The following STK39 variants were observed in gnomAD, a reference collection of about 807,000 sequenced individuals.
The protein encoded by STK39 is serine/threonine kinase 39.
Under a neutral mutation model 77.8 loss-of-function variants are expected in STK39, and 20 were observed. The ratio of observed to expected loss-of-function variants is 0.26; its 90% CI spans 0.18 to 0.37. The LOEUF (loss-of-function observed/expected upper bound fraction) is 0.37. STK39 is among the 10% of genes least tolerant of loss of function. The pLI is 1.00. For synonymous variants in STK39, 246 were observed against 234.1 expected (o/e 1.05, Z -0.47); for missense variants, 479 against 656.5 (o/e 0.73, Z 2.95).
At chr2:168,005,619 C>T (rs1438206256) in intron 16 of STK39, among the ~76,000 whole-genome samples, 2 of 152,196 alleles carry the variant, frequency 1.3e-5, no homozygotes, top group South Asian at 2.1e-4. Flanking sequence ...AAATAGAAGA[C>T]AAGCGTTGCC....
chr2:168,000,421 G>A (rs1406068485), intron 16 of STK39, among the ~76,000 whole-genome samples: 1 of 152,216 alleles, frequency 6.6e-6, no homozygotes, highest in Non-Finnish European at 1.5e-5. Context: ...GCCTGAGGCT[G>A]AGAAGCCCAT....
chr2:168,030,489 C>T (rs941101085), intron 14 of STK39, among the ~76,000 whole-genome samples: 2 of 151,962 alleles, frequency 1.3e-5, no homozygotes, highest in Admixed American at 6.6e-5. Flanking sequence ...TATGTGTAAT[C>T]GAATCCAGGG....
chr2:167,996,819 T>C (rs541515073), intron 16 of STK39, among the ~76,000 whole-genome samples: 3 of 151,966 alleles, frequency 2.0e-5, no homozygotes, highest in Admixed American at 1.3e-4. Flanking sequence ...CTCAAAGAGG[T>C]AGATCACCGA....
At chr2:167,962,099 C>G (rs923874694) in intron 17 of STK39, among the ~76,000 whole-genome samples, 2 of 152,166 alleles carry the variant, frequency 1.3e-5, no homozygotes, top group Non-Finnish European at 2.9e-5. Flanking sequence ...TATCATGACA[C>G]TGCTGTTCTT....
At chr2:168,110,631 T>C (rs1291423694) in intron 10 of STK39, among the ~76,000 whole-genome samples, 1 of 152,196 alleles carries the variant, frequency 6.6e-6, no homozygotes, top group Non-Finnish European at 1.5e-5. Context: ...CTATAATACA[T>C]CCCTGTCATA....
At chr2:168,151,654 G>C (rs1019752023) in intron 5 of STK39, among the ~76,000 whole-genome samples, 1 of 151,312 alleles carries the variant, frequency 6.6e-6, no homozygotes, top group Non-Finnish European at 1.5e-5. Flanking sequence ...CAGGAGAATC[G>C]CTTGAACCCA....
intron 8 of STK39, among the ~76,000 whole-genome samples, chr2:168,134,205 A>G (rs1687774127): frequency 6.6e-6 from 1 of 152,212 alleles, no homozygotes; most frequent in African/African-American, 2.4e-5. Flanking sequence ...CAATGATTCA[A>G]TTTTAAATCC....
At chr2:168,216,226 ACATGGAAGGTAAGGACTGAGT>A (rs1300038682) in intron 1 of STK39, among the ~76,000 whole-genome samples, 1 of 152,170 alleles carries the variant, frequency 6.6e-6, no homozygotes, top group Non-Finnish European at 1.5e-5. Context: ...GACCAGAGGT[ACATGGAAGGTAAGGACTGAGT>A]CAAATCAGAG....
chr2:168,102,000 C>T (rs1219610861), intron 10 of STK39, among the ~76,000 whole-genome samples: 1 of 152,096 alleles, frequency 6.6e-6, no homozygotes, highest in East Asian at 1.9e-4. Context: ...TATGGATTTG[C>T]CTGTTTTGGG....
intron 12 of STK39, among the ~76,000 whole-genome samples, chr2:168,073,629 T>TTA (rs147378646): frequency 0.021 from 3,127 of 152,108 alleles, 110 homozygotes; most frequent in African/African-American, 0.072. Flanking sequence ...TGATCAAAGC[T>TTA]TATATATATA....
chr2:168,049,718 A>C (rs1685343771), intron 14 of STK39, among the ~76,000 whole-genome samples: 1 of 152,226 alleles, frequency 6.6e-6, no homozygotes, highest in African/African-American at 2.4e-5. Flanking sequence ...TGCTATCCAT[A>C]ATAGTAACTA....
chr2:168,070,528 G>A (rs550447598), intron 12 of STK39, among the ~76,000 whole-genome samples: 1 of 150,840 alleles, frequency 6.6e-6, no homozygotes, highest in East Asian at 2.0e-4. Flanking sequence ...CATGTGCCAT[G>A]TTGGTTTGCT....
intron 13 of STK39, 149 bp from the exon 14 acceptor site, chr2:168,063,719 C>T (rs561248419): frequency 1.6e-4 from 99 of 629,152 alleles, no homozygotes; most frequent in South Asian, 1.0e-3. Flanking sequence ...GGCATCGTAA[C>T]ACCTCCATGT....
chr2:168,161,066 G>A (rs1239610380), intron 5 of STK39, among the ~76,000 whole-genome samples: 1 of 152,078 alleles, frequency 6.6e-6, no homozygotes, highest in Non-Finnish European at 1.5e-5. Flanking sequence ...TCCAGTAGAG[G>A]GAATGACTGT....
At chr2:168,230,855 T>TTC (rs1690436597) in intron 1 of STK39, among the ~76,000 whole-genome samples, 2 of 152,174 alleles carry the variant, frequency 1.3e-5, no homozygotes, top group Non-Finnish European at 2.9e-5. Flanking sequence ...CAAGTTCTTA[T>TTC]TCTCCCCCTT....
At position 167,955,376 on chromosome 2, in the gene STK39, T is replaced by G; in HGVS notation, c.*120A>C. On this transcript the variant is annotated 3_prime_UTR_variant, in exon 18 of 18. Coordinates refer to ENST00000355999, the MANE Select transcript of STK39 (RefSeq NM_013233.3). Reference sequence around the variant, plus strand: ...TGAAGCCGGCCTCTTCACAATCTTCTGATTTTGCTAGGAAATGGGAGTGAG... The same window carrying G: ...TGAAGCCGGCCTCTTCACAATCTTCGGATTTTGCTAGGAAATGGGAGTGAG... The G allele has an allele frequency of 1.0e-6, 1 of 967,524 alleles. No homozygotes were observed. The highest frequency in any genetic ancestry group is 1.5e-6 in the Non-Finnish European group (1 of 650,480). The allele number at this position is 967,524 out of a possible 1,614,324, so 59.9% of individuals were successfully genotyped here. A position where few individuals can be genotyped will look rare whatever the true frequency, so the allele number is the denominator to read the frequency against.
In STK39 at chr2:168,173,255, C is replaced by T. The variant is rs893673508; in HGVS notation, c.322-5848G>A. Among the ~76,000 whole-genome samples the T allele has an allele frequency of 2.1e-4, 32 of 152,152 alleles. 1 individual carries two copies. The highest frequency in any genetic ancestry group is 1.5e-5 in the Non-Finnish European group (1 of 68,020). On this transcript the variant is annotated intron_variant, in intron 2 of 17. Coordinates refer to ENST00000355999, the MANE Select transcript of STK39 (RefSeq NM_013233.3). ...TAAAATGTATGCAATACCCTCGAAA[C>T]ATTTAAAGAATTCTTTAAATGGTAT...
At chr2:168,232,585 G>A (rs1219173823) in intron 1 of STK39, among the ~76,000 whole-genome samples, 1 of 152,102 alleles carries the variant, frequency 6.6e-6, no homozygotes, top group African/African-American at 2.4e-5. Flanking sequence ...TTACAAAGCT[G>A]CCTATATTAT....
intron 10 of STK39, among the ~76,000 whole-genome samples, chr2:168,090,565 T>C (rs1263836773): frequency 6.6e-6 from 1 of 152,238 alleles, no homozygotes; most frequent in Non-Finnish European, 1.5e-5. Context: ...AACCTTGCTC[T>C]GAAACTGTTC....
Sources: allele counts gnomAD v4.1 joint callset (sites outside exome capture counted in the v4.1 genomes callset), GRCh38; gene constraint gnomAD v4.1.1; transcripts MANE v1.5; gene names NCBI Gene and HGNC (gene_info 2026-07-23, HGNC 2026-07-21).